The following KIAA1671 variants were observed in gnomAD, a reference collection of about 807,000 sequenced individuals.
KIAA1671 encodes KIAA1671, also known as uncharacterized protein KIAA1671.
In KIAA1671, 52 loss-of-function variants were observed where a neutral mutation model predicts 131.2. The ratio of observed to expected loss-of-function variants is 0.40; its 90% confidence interval spans 0.32 to 0.50. KIAA1671 has a LOEUF of 0.50. Among genes scored for constraint, KIAA1671 ranks in the 20% least tolerant of loss-of-function variants. The pLI is 0.73. For missense variants in KIAA1671, 2,360 were observed against 2,364.2 expected, an observed-to-expected ratio of 1.00 and a Z score of 0.04; for synonymous variants, 1,003 against 961.6, an observed-to-expected ratio of 1.04 and a Z score of -0.80.
In KIAA1671 at chr22:25,098,165, G is replaced by A. The variant is rs561443301; in HGVS notation, c.4530+48801G>A. Among the ~76,000 whole-genome samples the A allele has an allele frequency of 2.0e-5, 3 of 152,212 alleles. No individual in the cohort carries two copies. In the South Asian group the frequency reaches 6.2e-4, roughly 32 times the overall value. On this transcript the variant is annotated intron_variant, in intron 6 of 12. Transcript: ENST00000358431. Reference sequence around the variant, plus strand: ...AGCCCAGGAGTTGAGCACAGAGAAGGCACTTTACTTGGAGGAGAGAGCAGC... The same window carrying A: ...AGCCCAGGAGTTGAGCACAGAGAAGACACTTTACTTGGAGGAGAGAGCAGC...
intron 5 of KIAA1671, among the ~76,000 whole-genome samples, chr22:25,044,363 A>C (rs1462358505): frequency 1.3e-5 from 2 of 152,176 alleles, no homozygotes; most frequent in Non-Finnish European, 2.9e-5. Flanking sequence ...GTAACAGTGG[A>C]AGAAGGAAGA....
At chr22:25,006,462 T>C (rs1602062447) in intron 1 of KIAA1671, among the ~76,000 whole-genome samples, 2 of 151,920 alleles carry the variant, frequency 1.3e-5, no homozygotes, top group Non-Finnish European at 2.9e-5. Flanking sequence ...TTAAGGTGTC[T>C]GGTCGCCTGG....
intron 6 of KIAA1671, among the ~76,000 whole-genome samples, chr22:25,131,029 T>A (rs1422445901): frequency 6.6e-6 from 1 of 152,216 alleles, no homozygotes. Context: ...AGAAAACCAG[T>A]GATGTGGTGC....
intron 1 of KIAA1671, among the ~76,000 whole-genome samples, chr22:25,004,727 A>G (rs987976492): frequency 6.6e-6 from 1 of 151,992 alleles, no homozygotes; most frequent in Admixed American, 6.5e-5. Context: ...CGGGCAGATC[A>G]TGAGGTCAGG....
Position 25,174,235 on chromosome 22 carries a change from G to T in KIAA1671, c.4650-5G>T. Reference sequence around the variant, plus strand: ...CATGTCTCCCTTCATTCCCTTTTTTGGCAGCTTGGCCACTGAGTCCCCAGA... The same window carrying T: ...CATGTCTCCCTTCATTCCCTTTTTTTGCAGCTTGGCCACTGAGTCCCCAGA... On this transcript the variant is annotated splice_polypyrimidine_tract_variant and splice_region_variant and intron_variant, in intron 7 of 12. Transcript: ENST00000358431. 1.9e-6 allele frequency: 3 copies of T among 1,541,724 alleles called. No individual in the cohort carries two copies. The highest frequency in any genetic ancestry group is 2.1e-5 in the Admixed American group (1 of 48,048).
At chr22:25,043,560 C>T (rs1927061365) in intron 5 of KIAA1671, among the ~76,000 whole-genome samples, 1 of 152,162 alleles carries the variant, frequency 6.6e-6, no homozygotes, top group South Asian at 2.1e-4. Context: ...GGCATAAGGA[C>T]CACCCTTTGA....
At position 25,127,568 on chromosome 22, in the gene KIAA1671, G is replaced by T. The variant is rs572836671; in HGVS notation, c.4531-43252G>T. Reference sequence around the variant, plus strand: ...TGCAAGATTCTTCCCATCCCATCCTGCCCCACCCCACCCCTAAGTTGCTAC... The same window carrying T: ...TGCAAGATTCTTCCCATCCCATCCTTCCCCACCCCACCCCTAAGTTGCTAC... On this transcript the variant is annotated intron_variant, in intron 6 of 12. Coordinates refer to ENST00000358431, the MANE Select transcript of KIAA1671 (RefSeq NM_001145206.2). Among the ~76,000 whole-genome samples, 16 of 151,582 alleles carry T rather than the reference G, an allele frequency of 1.1e-4. No individual in the cohort carries two copies. The South Asian group carries it at 3.3e-3, about 32-fold the overall frequency.
At chr22:24,981,112 G>T (rs537144928) in intron 1 of KIAA1671, among the ~76,000 whole-genome samples, 74 of 151,446 alleles carry the variant, frequency 4.9e-4, no homozygotes, top group African/African-American at 1.7e-3. Context: ...TATTCTTATG[G>T]GTGTGGCTGG....
chr22:25,163,362 T>TTTTTTTTTTG (rs1933519379), intron 6 of KIAA1671, among the ~76,000 whole-genome samples: 2 of 139,226 alleles, frequency 1.4e-5, no homozygotes, highest in African/African-American at 6.0e-5. Flanking sequence ...TTTTTTTTTT[T>TTTTTTTTTTG]TTACATTTTC....
chr22:25,079,589 C>T lies in KIAA1671; in HGVS notation c.4530+30225C>T, dbSNP rs148844549. Among the ~76,000 whole-genome samples, 207 of 152,150 alleles carry T rather than the reference C, an allele frequency of 1.4e-3. 1 individual carries two copies. Among genetic ancestry groups the T allele is most frequent in the African/African-American group, 4.6e-3 (190 of 41,524 alleles). On this transcript the variant is annotated intron_variant, in intron 6 of 12. Coordinates refer to ENST00000358431, the MANE Select transcript of KIAA1671 (RefSeq NM_001145206.2). ...CTTTAGAAGCAGGGAGAGCATAGGC[C>T]AGGGGAGCTTGGGGGGAAACAGGAA...
intron 1 of KIAA1671, among the ~76,000 whole-genome samples, chr22:24,954,923 G>A (rs1321627120): frequency 6.6e-6 from 1 of 152,112 alleles, no homozygotes; most frequent in Non-Finnish European, 1.5e-5. Context: ...TGGGATTACA[G>A]ATGCCCGCCA....
At chr22:25,160,820 C>G (rs1378571621) in intron 6 of KIAA1671, among the ~76,000 whole-genome samples, 1 of 152,206 alleles carries the variant, frequency 6.6e-6, no homozygotes, top group Non-Finnish European at 1.5e-5. Context: ...AAGTGCCATT[C>G]CTCCCCTGAC....
intron 6 of KIAA1671, among the ~76,000 whole-genome samples, chr22:25,168,553 CATG>C (rs1162943311): frequency 6.6e-6 from 1 of 152,072 alleles, no homozygotes; most frequent in Middle Eastern, 3.2e-3. Flanking sequence ...ATTAGCCAGG[CATG>C]GTGGTGTGTG....
At chr22:25,005,569 T>A (rs1924707032) in intron 1 of KIAA1671, among the ~76,000 whole-genome samples, 1 of 152,116 alleles carries the variant, frequency 6.6e-6, no homozygotes, top group Non-Finnish European at 1.5e-5. Flanking sequence ...ACTTCATTCG[T>A]TGGATCCTCC....
intron 1 of KIAA1671, among the ~76,000 whole-genome samples, chr22:24,969,495 A>G (rs1922488532): frequency 6.6e-6 from 1 of 152,146 alleles, no homozygotes; most frequent in Admixed American, 6.5e-5. Context: ...ACAACCATCC[A>G]TTTTTTAAAA....
chr22:25,181,965 C>T, intron 10 of KIAA1671, 142 bp downstream of exon 10: 32 of 802,004 alleles, frequency 4.0e-5, no homozygotes, highest in Non-Finnish European at 5.6e-5. Flanking sequence ...ATCACGAGAT[C>T]AGGAGATCGA....
chr22:25,147,751 G>A (rs1485566108), intron 6 of KIAA1671, among the ~76,000 whole-genome samples: 1 of 152,158 alleles, frequency 6.6e-6, no homozygotes, highest in Non-Finnish European at 1.5e-5. Flanking sequence ...TGTCATTTGT[G>A]ATCTGCTCTG....
chr22:24,959,915 A>G (rs1426527954), intron 1 of KIAA1671, among the ~76,000 whole-genome samples: 1 of 151,722 alleles, frequency 6.6e-6, no homozygotes, highest in Admixed American at 6.6e-5. Context: ...AGGGAGGTGG[A>G]TCATTTGAGG....
At chr22:25,079,827 G>A (rs1157533971) in intron 6 of KIAA1671, among the ~76,000 whole-genome samples, 1 of 152,160 alleles carries the variant, frequency 6.6e-6, no homozygotes, top group Non-Finnish European at 1.5e-5. Flanking sequence ...GAATAGGACT[G>A]ACACAACCCA....
Sources: gnomAD v4.1 joint callset for allele counts (sites outside exome capture counted in the v4.1 genomes callset) on GRCh38, gnomAD v4.1.1 for gene constraint, MANE v1.5 for transcripts, NCBI Gene and HGNC (gene_info 2026-07-23, HGNC 2026-07-21) for gene names.